TENM2: variants seen among roughly 807,000 people sequenced by gnomAD.
The protein encoded by TENM2 is teneurin transmembrane protein 2.
A neutral mutation model predicts 245.2 loss-of-function variants in TENM2; 52 were observed. The observed-to-expected ratio is 0.21, with a 90% confidence interval of 0.17 to 0.27. The LOEUF (loss-of-function observed/expected upper bound fraction) is 0.27, where lower values mean the gene tolerates loss of function less well. Ranked by LOEUF, TENM2 falls within the 10% of genes least tolerant of loss-of-function variation. TENM2 has a pLI of 1.00. For synonymous variants in TENM2, 1,363 were observed against 1,438.9 expected (o/e 0.95, Z 1.19); for missense variants, 3,046 against 3,666.8 (o/e 0.83, Z 4.37).
intron 2 of TENM2, among the ~76,000 whole-genome samples, chr5:167,702,112 C>A (rs1758179287): frequency 6.6e-6 from 1 of 152,108 alleles, no homozygotes; most frequent in Admixed American, 6.6e-5. Flanking sequence ...TTATTGACAT[C>A]TTTTTATACA....
chr5:168,044,886 G>A (rs980595408), intron 5 of TENM2, among the ~76,000 whole-genome samples: 1 of 151,286 alleles, frequency 6.6e-6, no homozygotes, highest in Non-Finnish European at 1.5e-5. Context: ...GCCAGAGAGA[G>A]CATCTCGTTT....
the TENM2 span, among the ~76,000 whole-genome samples, chr5:167,191,686 T>C: frequency 1.2e-4 from 19 of 152,056 alleles, no homozygotes; most frequent in Non-Finnish European, 2.6e-4. Context: ...AGGATACCAC[T>C]GCATGAGACT....
intron 2 of TENM2, among the ~76,000 whole-genome samples, chr5:167,853,443 G>A (rs770701710): frequency 6.6e-6 from 1 of 152,020 alleles, no homozygotes; most frequent in Non-Finnish European, 1.5e-5. Flanking sequence ...ATAAGGTTCT[G>A]TGACCCCGTG....
At chr5:167,198,487 G>A in the TENM2 span, among the ~76,000 whole-genome samples, 1 of 152,014 alleles carries the variant, frequency 6.6e-6, no homozygotes, top group Non-Finnish European at 1.5e-5. Flanking sequence ...ATGGCTCAAA[G>A]GTAGCCACAA....
chr5:167,312,240 ACAT>A (rs1396789530), intron 1 of TENM2, among the ~76,000 whole-genome samples: 1 of 152,230 alleles, frequency 6.6e-6, no homozygotes, highest in East Asian at 1.9e-4. Context: ...AACATACATA[ACAT>A]CATAATTTTA....
At chr5:167,417,526 A>C (rs1185581491) in intron 2 of TENM2, among the ~76,000 whole-genome samples, 1 of 152,014 alleles carries the variant, frequency 6.6e-6, no homozygotes, top group African/African-American at 2.4e-5. Context: ...TCTCTCCTCT[A>C]TCTTACCCTT....
At position 167,824,638 on chromosome 5, in the gene TENM2, A is replaced by C. The variant is rs1291600817; in HGVS notation, c.503-51348A>C. 1.1e-4 allele frequency among the ~76,000 whole-genome samples: 16 copies of C among 152,232 alleles called. 1 individual carries two copies. The highest frequency in any genetic ancestry group is 2.4e-4 in the Non-Finnish European group (16 of 68,038). Reference sequence around the variant, plus strand: ...AGGCAAAAGATTGTACTAGAAAGATAAGCAGAGCCCTGTGGTGAATGGCTT... The same window carrying C: ...AGGCAAAAGATTGTACTAGAAAGATCAGCAGAGCCCTGTGGTGAATGGCTT... On this transcript the variant is annotated intron_variant, in intron 2 of 28. Coordinates refer to ENST00000518659, the Ensembl canonical transcript of TENM2.
At chr5:167,737,982 C>A (rs1216772440) in intron 2 of TENM2, among the ~76,000 whole-genome samples, 1 of 152,254 alleles carries the variant, frequency 6.6e-6, no homozygotes, top group Non-Finnish European at 1.5e-5. Flanking sequence ...AACTTGGCCT[C>A]AGCTGTCATG....
the TENM2 span, among the ~76,000 whole-genome samples, chr5:167,023,030 C>A: frequency 8.9e-4 from 135 of 152,328 alleles, no homozygotes; most frequent in Middle Eastern, 3.4e-3. Context: ...TTCTTCAGAG[C>A]TGTGGTGTAC....
At chr5:167,103,079 C>G in the TENM2 span, among the ~76,000 whole-genome samples, 11 of 152,206 alleles carry the variant, frequency 7.2e-5, no homozygotes, top group African/African-American at 2.7e-4. Context: ...ACATGTAGGA[C>G]AGGGAGCTAT....
At chr5:168,248,485 A>T in intron 27 of TENM2, 114 bp downstream of exon 29, 1 of 1,069,472 alleles carries the variant, frequency 9.4e-7, no homozygotes, top group Middle Eastern at 3.1e-4. Context: ...ATGGGCCATA[A>T]AGCCCAGGCA....
the TENM2 span, among the ~76,000 whole-genome samples, chr5:167,139,491 T>C: frequency 6.6e-6 from 1 of 152,260 alleles, no homozygotes; most frequent in Non-Finnish European, 1.5e-5. Context: ...CATAAAACTC[T>C]AAACTGCAAA....
At chr5:167,692,848 A>G (rs1035934025) in intron 2 of TENM2, among the ~76,000 whole-genome samples, 4 of 152,186 alleles carry the variant, frequency 2.6e-5, no homozygotes, top group African/African-American at 9.7e-5. Context: ...ATTGTGGCAG[A>G]TGGACGATAG....
At chr5:168,207,568 T>G (rs911087156) in intron 19 of TENM2, among the ~76,000 whole-genome samples, 1 of 152,206 alleles carries the variant, frequency 6.6e-6, no homozygotes, top group Non-Finnish European at 1.5e-5. Context: ...GTTTTATTCT[T>G]CTTTTCTTCC....
intron 2 of TENM2, among the ~76,000 whole-genome samples, chr5:167,459,199 T>C (rs1416839321): frequency 6.6e-6 from 1 of 152,206 alleles, no homozygotes; most frequent in Non-Finnish European, 1.5e-5. Flanking sequence ...TTTGTTTCTA[T>C]GAATTTAACT....
the TENM2 span, among the ~76,000 whole-genome samples, chr5:167,012,310 C>T: frequency 6.6e-6 from 1 of 152,330 alleles, no homozygotes; most frequent in South Asian, 2.1e-4. Flanking sequence ...ACATTTCAGG[C>T]ATGCCATTGG....
chr5:167,421,469 A>G (rs1763503401), intron 2 of TENM2, among the ~76,000 whole-genome samples: 1 of 152,178 alleles, frequency 6.6e-6, no homozygotes, highest in Non-Finnish European at 1.5e-5. Flanking sequence ...TGAGGTGTTT[A>G]AAGAGAGCCA....
the TENM2 span, among the ~76,000 whole-genome samples, chr5:167,109,607 C>G: frequency 1.3e-5 from 2 of 151,790 alleles, no homozygotes; most frequent in Admixed American, 6.6e-5. Context: ...TGCTATAAAC[C>G]CTTTAATACA....
intron 2 of TENM2, among the ~76,000 whole-genome samples, chr5:167,469,910 T>G (rs915674105): frequency 5.3e-5 from 8 of 152,178 alleles, no homozygotes; most frequent in Non-Finnish European, 1.0e-4. Flanking sequence ...TGTTTCATCA[T>G]AATCTTATAA....
Sources: allele counts gnomAD v4.1 joint callset (sites outside exome capture counted in the v4.1 genomes callset), GRCh38; gene constraint gnomAD v4.1.1; transcripts MANE v1.5; gene names NCBI Gene and HGNC (gene_info 2026-07-23, HGNC 2026-07-21).